Variants in SDK1 observed in about 807,000 individuals in gnomAD.
SDK1 encodes the protein protein sidekick-1.
A neutral mutation model predicts 245.5 loss-of-function variants in SDK1; 157 were observed. The ratio of observed to expected loss-of-function variants is 0.64; its 90% CI spans 0.56 to 0.73. The LOEUF (loss-of-function observed/expected upper bound fraction) is 0.73. Ranked by LOEUF, SDK1 falls within the 30% of genes least tolerant of loss-of-function variation. SDK1 has a pLI of 0.00. For missense variants in SDK1, 3,583 were observed against 3,002.3 expected (o/e 1.19, Z -4.52); for synonymous variants, 1,647 against 1,278.5 (o/e 1.29, Z -6.15).
chr7:3,322,320 T>C (rs757054931), intron 1 of SDK1, among the ~76,000 whole-genome samples: 5 of 152,230 alleles, frequency 3.3e-5, no homozygotes, highest in Non-Finnish European at 7.3e-5. Flanking sequence ...TTACATCATA[T>C]CTTTTTATGA....
At chr7:3,683,806 C>T (rs1046031169) in intron 4 of SDK1, among the ~76,000 whole-genome samples, 1 of 152,170 alleles carries the variant, frequency 6.6e-6, no homozygotes. Flanking sequence ...GCTGTAAAAA[C>T]CTCTAATCTG....
intron 35 of SDK1, among the ~76,000 whole-genome samples, chr7:4,202,636 T>TG (rs1344078140): frequency 2.6e-5 from 4 of 152,182 alleles, no homozygotes; most frequent in Non-Finnish European, 4.4e-5. Context: ...TTTGAATGAG[T>TG]GGGCGGAGGC....
chr7:4,137,098 A>G (rs1011849928), intron 28 of SDK1, among the ~76,000 whole-genome samples: 2 of 152,292 alleles, frequency 1.3e-5, no homozygotes, highest in South Asian at 2.1e-4. Flanking sequence ...CTCTCAGACA[A>G]TGCCTTTTGT....
At chr7:3,608,042 T>G (rs1479999722) in intron 1 of SDK1, among the ~76,000 whole-genome samples, 1 of 152,174 alleles carries the variant, frequency 6.6e-6, no homozygotes, top group African/African-American at 2.4e-5. Flanking sequence ...AAAGCAGTCG[T>G]GAGAAAACTT....
chr7:3,849,885 T>C (rs188554522), intron 5 of SDK1, among the ~76,000 whole-genome samples: 3 of 152,346 alleles, frequency 2.0e-5, no homozygotes, highest in African/African-American at 7.2e-5. Flanking sequence ...CCTTTAGTTA[T>C]GAAGGCAGTG....
intron 4 of SDK1, among the ~76,000 whole-genome samples, chr7:3,756,743 C>T (rs770330747): frequency 1.3e-5 from 2 of 152,086 alleles, no homozygotes; most frequent in Non-Finnish European, 2.9e-5. Context: ...TTGAAGAGTC[C>T]TCGTCAGGCA....
intron 2 of SDK1, among the ~76,000 whole-genome samples, chr7:3,633,047 G>T (rs1425907782): frequency 6.6e-6 from 1 of 152,020 alleles, no homozygotes; most frequent in Non-Finnish European, 1.5e-5. Context: ...GACATAAATG[G>T]CTTACAGTTA....
At chr7:3,441,334 A>C (rs1392749752) in intron 1 of SDK1, among the ~76,000 whole-genome samples, 1 of 152,154 alleles carries the variant, frequency 6.6e-6, no homozygotes, top group Admixed American at 6.5e-5. Context: ...TATCTCTTGC[A>C]GATAAGGAGG....
chr7:4,226,918 A>C (rs891336005), intron 40 of SDK1, among the ~76,000 whole-genome samples: 1 of 151,092 alleles, frequency 6.6e-6, no homozygotes, highest in Non-Finnish European at 1.5e-5. Flanking sequence ...TGCCCAATGC[A>C]GGCAGATATT....
chr7:3,673,183 C>T (rs1783775167), intron 4 of SDK1, among the ~76,000 whole-genome samples: 1 of 152,112 alleles, frequency 6.6e-6, no homozygotes, highest in Non-Finnish European at 1.5e-5. Flanking sequence ...TTTTTATCTG[C>T]AATACTCTCA....
intron 4 of SDK1, among the ~76,000 whole-genome samples, chr7:3,744,223 C>G (rs961667417): frequency 6.6e-6 from 1 of 152,046 alleles, no homozygotes; most frequent in Admixed American, 6.6e-5. Flanking sequence ...TCCTCTTCAT[C>G]CAAAATAGCC....
intron 1 of SDK1, among the ~76,000 whole-genome samples, chr7:3,613,723 C>T (rs575316852): frequency 1.5e-4 from 23 of 152,230 alleles, no homozygotes; most frequent in African/African-American, 5.3e-4. Flanking sequence ...ATGGAATCAA[C>T]CCAAATACCC....
At chr7:3,505,247 T>C (rs963505397) in intron 1 of SDK1, among the ~76,000 whole-genome samples, 1 of 152,160 alleles carries the variant, frequency 6.6e-6, no homozygotes, top group Non-Finnish European at 1.5e-5. Context: ...ACATCTGTAA[T>C]TTATTGTTCA....
At chr7:4,160,056 G>A (rs1418245396) in intron 31 of SDK1, among the ~76,000 whole-genome samples, 1 of 152,150 alleles carries the variant, frequency 6.6e-6, no homozygotes. Flanking sequence ...TAGCAAACCT[G>A]GAGGCAAAAG....
intron 22 of SDK1, among the ~76,000 whole-genome samples, chr7:4,080,032 A>G (rs1486157577): frequency 6.6e-6 from 1 of 152,216 alleles, no homozygotes; most frequent in Non-Finnish European, 1.5e-5. Context: ...GGGCTATTGC[A>G]GTAGACAAAG....
At chr7:3,435,899 G>T (rs578179821) in intron 1 of SDK1, among the ~76,000 whole-genome samples, 1 of 152,276 alleles carries the variant, frequency 6.6e-6, no homozygotes, top group African/African-American at 2.4e-5. Flanking sequence ...TAACAAGATT[G>T]TGTTAAAGGA....
chr7:3,466,192 A>G (rs1403395696), intron 1 of SDK1, among the ~76,000 whole-genome samples: 1 of 151,604 alleles, frequency 6.6e-6, no homozygotes, highest in African/African-American at 2.4e-5. Flanking sequence ...CCTTTCATCG[A>G]GTTATTGGAA....
chr7:3,879,088 T>G (rs1781143451), intron 5 of SDK1, among the ~76,000 whole-genome samples: 1 of 152,160 alleles, frequency 6.6e-6, no homozygotes, highest in South Asian at 2.1e-4. Context: ...CTCCCCACCT[T>G]TACGATTATA....
In SDK1 at chr7:4,268,527, C is replaced by G; in HGVS notation, c.*3143C>G. On this transcript the variant is annotated 3_prime_UTR_variant, in exon 45 of 45. Transcript: ENST00000404826. Reference sequence around the variant, plus strand: ...GAGAGGGGACCCAGATGGCCACACACGGAACGCGCCTCCACAGCCCCGGGA... The same window carrying G: ...GAGAGGGGACCCAGATGGCCACACAGGGAACGCGCCTCCACAGCCCCGGGA... 1 of 1,235,598 alleles carries G rather than the reference C, an allele frequency of 8.1e-7. No individual in the cohort carries two copies. The highest frequency in any genetic ancestry group is 1.0e-6 in the Non-Finnish European group (1 of 956,962). The allele number at this position is 1,235,598 out of a possible 1,614,324, so 76.5% of individuals were successfully genotyped here.
Sources: gnomAD v4.1 joint callset for allele counts (sites outside exome capture counted in the v4.1 genomes callset) on GRCh38, gnomAD v4.1.1 for gene constraint, MANE v1.5 for transcripts, NCBI Gene and HGNC (gene_info 2026-07-23, HGNC 2026-07-21) for gene names.